TANC2: variants seen among roughly 807,000 people sequenced by gnomAD.
The protein encoded by TANC2 is tetratricopeptide repeat, ankyrin repeat and coiled-coil containing 2.
In TANC2, 26 loss-of-function variants were observed where a neutral mutation model predicts 210.5. The observed-to-expected ratio is 0.12, with a 90% CI of 0.09 to 0.17. The LOEUF is 0.17. Ranked by LOEUF, TANC2 falls within the 10% of genes least tolerant of loss-of-function variation. The pLI is 1.00. For synonymous variants in TANC2, 931 were observed against 967.1 expected (o/e 0.96, Z 0.69); for missense variants, 2,129 against 2,608.9 (o/e 0.82, Z 4.01).
intron 2 of TANC2, among the ~76,000 whole-genome samples, chr17:63,043,200 C>T (rs1568339441): frequency 6.6e-6 from 1 of 151,988 alleles, no homozygotes; most frequent in Non-Finnish European, 1.5e-5. Context: ...TCTTGTCTCT[C>T]ACATTGTAAA....
At chr17:63,187,542 TTA>T (rs2041032765) in intron 5 of TANC2, among the ~76,000 whole-genome samples, 1 of 141,740 alleles carries the variant, frequency 7.1e-6, no homozygotes, top group Non-Finnish European at 1.6e-5. Flanking sequence ...CCACCAAAAA[TTA>T]TGTTTTTTAT....
At chr17:63,331,856 CTG>C (rs765243268) in intron 11 of TANC2, 21,268 of 152,336 alleles carry the variant, frequency 0.14, 1,228 homozygotes, top group African/African-American at 0.19. Flanking sequence ...GTGTGTGTGT[CTG>C]TGTGTGTGTG....
chr17:63,349,860 A>G (rs1224470961), intron 12 of TANC2, among the ~76,000 whole-genome samples: 1 of 152,164 alleles, frequency 6.6e-6, no homozygotes, highest in Admixed American at 6.5e-5. Flanking sequence ...TTTCTTCCTT[A>G]ATACTTTGCA....
chr17:63,058,638 A>C (rs140927957), intron 2 of TANC2, among the ~76,000 whole-genome samples: 1 of 152,118 alleles, frequency 6.6e-6, no homozygotes, highest in African/African-American at 2.4e-5. Context: ...TCTTCTGCAT[A>C]TGGCTAGCCA....
chr17:63,329,279 A>G (rs2045758398), intron 11 of TANC2, among the ~76,000 whole-genome samples: 1 of 152,194 alleles, frequency 6.6e-6, no homozygotes, highest in Admixed American at 6.5e-5. Flanking sequence ...AGAACTCTTT[A>G]AAATTGAGGA....
intron 4 of TANC2, among the ~76,000 whole-genome samples, chr17:63,113,583 T>C (rs2038135565): frequency 6.6e-6 from 1 of 152,154 alleles, no homozygotes; most frequent in Non-Finnish European, 1.5e-5. Flanking sequence ...TCACTGCTCA[T>C]TGCAGCCTCA....
intron 11 of TANC2, among the ~76,000 whole-genome samples, chr17:63,328,629 G>T (rs1042167189): frequency 6.6e-6 from 1 of 151,562 alleles, no homozygotes; most frequent in Non-Finnish European, 1.5e-5. Flanking sequence ...CCAGAGACTG[G>T]GAGTGTGAAG....
intron 8 of TANC2, among the ~76,000 whole-genome samples, chr17:63,261,842 A>G (rs551419911): frequency 2.0e-5 from 3 of 152,196 alleles, no homozygotes; most frequent in Non-Finnish European, 4.4e-5. Flanking sequence ...TTTTAACCTA[A>G]CAAGATGGAA....
At chr17:63,245,891 T>C (rs2042904980) in intron 8 of TANC2, among the ~76,000 whole-genome samples, 1 of 148,714 alleles carries the variant, frequency 6.7e-6, no homozygotes, top group Non-Finnish European at 1.5e-5. Context: ...GCACCTGTAA[T>C]CCCAGCTGCT....
intron 9 of TANC2, among the ~76,000 whole-genome samples, chr17:63,280,030 T>C (rs745391791): frequency 7.9e-5 from 12 of 152,110 alleles, no homozygotes; most frequent in Admixed American, 4.6e-4. Flanking sequence ...TCATAGTCAG[T>C]ATCACTCAAT....
chr17:63,091,819 C>T (rs1321598949), intron 3 of TANC2, among the ~76,000 whole-genome samples: 3 of 152,142 alleles, frequency 2.0e-5, no homozygotes, highest in African/African-American at 7.2e-5. Flanking sequence ...GCCATTTTCA[C>T]AATATTGATT....
intron 7 of TANC2, among the ~76,000 whole-genome samples, chr17:63,220,880 G>A (rs191236938): frequency 5.1e-4 from 77 of 150,768 alleles, no homozygotes; most frequent in African/African-American, 1.8e-3. Flanking sequence ...GTATACATCA[G>A]AATATTTGCA....
chr17:63,141,983 A>T (rs995002705), intron 4 of TANC2, among the ~76,000 whole-genome samples: 8 of 152,214 alleles, frequency 5.3e-5, no homozygotes, highest in African/African-American at 1.7e-4. Context: ...GCAAAGTGTG[A>T]TGATATTTAT....
intron 2 of TANC2, among the ~76,000 whole-genome samples, chr17:63,039,653 C>G (rs1245862312): frequency 6.6e-6 from 1 of 152,098 alleles, no homozygotes; most frequent in Non-Finnish European, 1.5e-5. Context: ...TCAATATGAT[C>G]CAGAGGTGAG....
At chr17:63,165,525 T>C (rs1442650603) in intron 5 of TANC2, among the ~76,000 whole-genome samples, 1 of 152,214 alleles carries the variant, frequency 6.6e-6, no homozygotes, top group Non-Finnish European at 1.5e-5. Flanking sequence ...TGTAGGTCTT[T>C]CCCATTACCC....
At chr17:63,176,311 A>G (rs980934396) in intron 5 of TANC2, among the ~76,000 whole-genome samples, 10 of 152,230 alleles carry the variant, frequency 6.6e-5, no homozygotes, top group East Asian at 1.9e-4. Context: ...CAGCAGGGAA[A>G]CAACAAAATG....
chr17:63,321,214 A>T (rs1308327168), intron 11 of TANC2, among the ~76,000 whole-genome samples: 1 of 151,930 alleles, frequency 6.6e-6, no homozygotes, highest in Non-Finnish European at 1.5e-5. Flanking sequence ...AAAAAAATTA[A>T]ATTTCCTATA....
chr17:63,052,123 CTTG>C (rs1352249164), intron 2 of TANC2, among the ~76,000 whole-genome samples: 3 of 152,096 alleles, frequency 2.0e-5, no homozygotes, highest in South Asian at 4.1e-4. Context: ...GTAAAAGGAA[CTTG>C]TTGTTGATCA....
chr17:63,394,435 A>G (rs2048089913), intron 17 of TANC2, among the ~76,000 whole-genome samples: 1 of 152,186 alleles, frequency 6.6e-6, no homozygotes, highest in African/African-American at 2.4e-5. Context: ...CCTGGAATCA[A>G]CCATTTCTCC....
Sources: gnomAD v4.1 joint callset for allele counts (sites outside exome capture counted in the v4.1 genomes callset) on GRCh38, gnomAD v4.1.1 for gene constraint, MANE v1.5 for transcripts, NCBI Gene and HGNC (gene_info 2026-07-23, HGNC 2026-07-21) for gene names.